PCDHGA10: variants seen among roughly 807,000 people sequenced by gnomAD.
The protein encoded by PCDHGA10 is protocadherin gamma subfamily A, 10, also known as protocadherin gamma-A10.
In PCDHGA10, 42 loss-of-function variants were observed where a neutral mutation model predicts 59.5. That is an observed-to-expected ratio of 0.71 (90% confidence interval 0.55 to 0.91). The LOEUF is 0.91. PCDHGA10 is among the 40% of genes least tolerant of loss of function. PCDHGA10 has a pLI of 0.00. For missense variants in PCDHGA10, 1,111 were observed against 1,198.2 expected, an observed-to-expected ratio of 0.93 and a Z score of 1.07; for synonymous variants, 511 against 517.2, an observed-to-expected ratio of 0.99 and a Z score of 0.16.
At chr5:141,438,589 TAC>T (rs72335471) in intron 1 of PCDHGA10, among the ~76,000 whole-genome samples, 19,881 of 66,350 alleles carry the variant, frequency 0.3, 2,903 homozygotes, top group Admixed American at 0.41. Context: ...CATACATACA[TAC>T]ATATATATAT....
chr5:141,481,200 T>A (rs977235584), intron 1 of PCDHGA10, among the ~76,000 whole-genome samples: 2 of 152,178 alleles, frequency 1.3e-5, no homozygotes, highest in Non-Finnish European at 2.9e-5. Flanking sequence ...CCAATTTTTT[T>A]AAAAAACATG....
rs1310227506 is a variant in PCDHGA10, at chr5:141,432,214, CCAGATCACTTATTCCCTGG to C, written c.2436+16605_2436+16623del. ...ACGACCCCGACTGTGAAGAGAACGC[CCAGATCACTTATTCCCTGG>C]CTGAGAACACCATCCAAGGGGCAAG... is the stretch of plus-strand genomic sequence containing the variant. On this transcript the variant is annotated intron_variant, in intron 1 of 3. Transcript: ENST00000398610. This position sits in a 1 kb window ranked among gnomAD's most constrained non-coding sequence, Gnocchi z 6.0. 3.1e-6 allele frequency: 5 copies of C among 1,614,236 alleles called. No homozygotes were observed. The highest frequency in any genetic ancestry group is 4.2e-6 in the Non-Finnish European group (5 of 1,180,050).
At chr5:141,422,168 G>T in intron 1 of PCDHGA10, 2 of 1,563,582 alleles carry the variant, frequency 1.3e-6, no homozygotes, top group Non-Finnish European at 1.7e-6. Context: ...GAAAAATATA[G>T]ATTCTATGAG....
At chr5:141,416,929 C>T (rs1184470714) in intron 1 of PCDHGA10, 1 of 151,960 alleles carries the variant, frequency 6.6e-6, no homozygotes. Flanking sequence ...TAGTTATTAA[C>T]TATTAAACCA....
chr5:141,472,980 C>CAAAAAAAAAAAAAAAAAGAAAAAAAA (rs2099309731), intron 1 of PCDHGA10, among the ~76,000 whole-genome samples: 1 of 86,100 alleles, frequency 1.2e-5, no homozygotes, highest in African/African-American at 3.9e-5. Flanking sequence ...GAGTGAAACT[C>CAAAAAAAAAAAAAAAAAGAAAAAAAA]AAAAAAAAAA....
intron 1 of PCDHGA10, chr5:141,427,931 G>C: frequency 6.3e-7 from 1 of 1,583,764 alleles, no homozygotes; most frequent in Non-Finnish European, 8.6e-7. Flanking sequence ...GGCGCATGTT[G>C]GTGGGCGACC....
rs143362044 is a variant in PCDHGA10, at chr5:141,511,092, C to T, written c.2730C>T (p.Asn910=). The T allele has an allele frequency of 4.5e-5, 73 of 1,614,088 alleles. No homozygotes were observed. Among genetic ancestry groups the T allele is most frequent in the Admixed American group, 1.5e-4 (9 of 60,012 alleles). ...YIPGSNATLT[N]AAGKRDGKAP... is the part of the protein sequence containing the mutation. ...CAGGCAGCAATGCCACACTGACCAA[C>T]GCAGCTGGCAAGCGGGATGGCAAGG... The change falls in exon 4 of 4, where the codon AAC becomes AAT. Residue 910 remains asparagine, a synonymous_variant. Coordinates refer to ENST00000398610, the MANE Select transcript of PCDHGA10 (RefSeq NM_018913.3).
Position 141,511,334 on chromosome 5 carries a change from C to A in PCDHGA10, c.*161C>A. 7.0e-7 allele frequency: 1 copy of A among 1,438,700 alleles called. No homozygotes were observed. Among genetic ancestry groups the A allele is most frequent in the Non-Finnish European group, 9.2e-7 (1 of 1,083,314 alleles). 89.1% of individuals were successfully genotyped at this position (1,438,700 alleles called of 1,614,324 possible). On this transcript the variant is annotated 3_prime_UTR_variant, in exon 4 of 4. Coordinates refer to ENST00000398610, the MANE Select transcript of PCDHGA10 (RefSeq NM_018913.3). ...GAAACAGAAACAAGTGCCCAGTCAG[C>A]ACCTACCCCTTCCCCCCCAGGGGGT...
Position 141,487,171 on chromosome 5 carries a change from G to C in PCDHGA10, c.2437-7636G>C. ...CTGTTACTCTCTTAGTGTCCTTAGA[G>C]GAAGACACTCATCCAGTTGTCCCAG... On this transcript the variant is annotated intron_variant, in intron 1 of 3. Transcript: ENST00000398610. The surrounding 1 kb of genome is among the most constrained non-coding windows in gnomAD (Gnocchi z 5.0). 1 of 1,612,938 alleles carries C rather than the reference G, an allele frequency of 6.2e-7. No individual in the cohort carries two copies. Among genetic ancestry groups the C allele is most frequent in the Non-Finnish European group, 8.5e-7 (1 of 1,178,910 alleles).
At chr5:141,484,863 G>T (rs561595169) in intron 1 of PCDHGA10, 136 of 273,782 alleles carry the variant, frequency 5.0e-4, no homozygotes, top group African/African-American at 2.8e-3. Context: ...GGGGGTGGGG[G>T]AGCGTGGAGG....
chr5:141,487,919 A>G lies in PCDHGA10; in HGVS notation c.2437-6888A>G, dbSNP rs548678238. ...ATGGAATGTGGGAGCACAGGAGGCTACAGTGCACAGGGTACAGTGCACCAG... is the reference window on the plus strand; with the variant it reads ...ATGGAATGTGGGAGCACAGGAGGCTGCAGTGCACAGGGTACAGTGCACCAG... On this transcript the variant is annotated intron_variant, in intron 1 of 3. Transcript: ENST00000398610. The surrounding 1 kb of genome is among the most constrained non-coding windows in gnomAD (Gnocchi z 5.0). 23 of 644,878 alleles carry G rather than the reference A, an allele frequency of 3.6e-5. No individual in the cohort carries two copies. Among genetic ancestry groups the G allele is most frequent in the Non-Finnish European group, 5.6e-5 (21 of 374,374 alleles). 39.9% of individuals were successfully genotyped at this position (644,878 alleles called of 1,614,324 possible). A position where few individuals can be genotyped will look rare whatever the true frequency, so the allele number is the denominator to read the frequency against.
chr5:141,413,572 A>C lies in PCDHGA10; in HGVS notation c.397A>C (p.Asn133His). The change falls in exon 1 of 4, where the codon AAT becomes CAT. Residue 133 changes from asparagine to histidine, a missense_variant. Physicochemically the swap from Asn to His is moderately conservative, Grantham distance 68. Transcript: ENST00000398610. The stretch of plus-strand genomic sequence containing the variant: ...AATAGAAGTAACTGATATCAATGAC[A>C]ATGCTCCAAAATTCCAAGCAGAAAA... Reference protein sequence around the residue: ...IEIEVTDINDNAPKFQAENLD... With the variant: ...IEIEVTDINDHAPKFQAENLD... The C allele has an allele frequency of 1.2e-6, 2 of 1,613,890 alleles. No homozygotes were observed. The highest frequency in any genetic ancestry group is 1.7e-6 in the Non-Finnish European group (2 of 1,179,892).
chr5:141,442,343 G>A (rs1300318674), intron 1 of PCDHGA10: 1 of 152,336 alleles, frequency 6.6e-6, no homozygotes, highest in African/African-American at 2.4e-5. Context: ...CAGGTTTCTG[G>A]GTAACTGTAG....
chr5:141,479,328 G>A (rs568506786), intron 1 of PCDHGA10: 1 of 152,654 alleles, frequency 6.6e-6, no homozygotes, highest in East Asian at 1.9e-4. Flanking sequence ...CAGACTCAGT[G>A]GTGTGCACCT....
rs781580216 is a variant in PCDHGA10 at position 141,430,931 on chromosome 5, G to A, written c.2436+15320G>A. The stretch of plus-strand genomic sequence containing the variant: ...CAGGGACCTGGGGCTGGAGCCCCGG[G>A]AGCTCGCGGAGCGCGGAGTCCGCAT... On this transcript the variant is annotated intron_variant, in intron 1 of 3. Coordinates refer to ENST00000398610, the MANE Select transcript of PCDHGA10 (RefSeq NM_018913.3). The A allele has an allele frequency of 1.5e-5, 24 of 1,607,530 alleles. No individual in the cohort carries two copies. In the East Asian group the frequency reaches 4.9e-4, roughly 33 times the overall value.
chr5:141,465,777 C>G (rs2099109055), intron 1 of PCDHGA10, among the ~76,000 whole-genome samples: 2 of 151,768 alleles, frequency 1.3e-5, no homozygotes, highest in African/African-American at 2.4e-5. Flanking sequence ...TCTCTTGTTA[C>G]AGTTTTTTTT....
rs183531575 is a variant in PCDHGA10 at position 141,469,308 on chromosome 5, G to A, written c.2437-25499G>A. Among the ~76,000 whole-genome samples the A allele has an allele frequency of 2.5e-3, 379 of 152,184 alleles. 1 individual carries two copies. The highest frequency in any genetic ancestry group is 5.8e-3 in the South Asian group (28 of 4,814). On this transcript the variant is annotated intron_variant, in intron 1 of 3. Transcript: ENST00000398610. ...TAAAACAAAATAGACTGGGCACGAT[G>A]GCTCACGCCTGTAATCCCACCACTT...
chr5:141,415,045 G>T lies in PCDHGA10; in HGVS notation c.1870G>T (p.Gly624Trp). 1 of 1,613,538 alleles carries T rather than the reference G, an allele frequency of 6.2e-7. No homozygotes were observed. Among genetic ancestry groups the T allele is most frequent in the East Asian group, 2.2e-5 (1 of 44,872 alleles). ...KASEPGLFAV[G>W]EHTGEVRTAR... is the part of the protein sequence containing the mutation. ...CAGCGAGCCGGGACTCTTCGCGGTG[G>T]GGGAGCACACGGGCGAGGTGCGCAC... The change falls in exon 1 of 4, where the codon GGG (glycine) becomes TGG (tryptophan). Residue 624 changes from glycine to tryptophan, a missense_variant. By Grantham distance (184) the Gly-to-Trp change is radical. Transcript: ENST00000398610.
At chr5:141,417,955 G>C in intron 1 of PCDHGA10, 2 of 1,613,634 alleles carry the variant, frequency 1.2e-6, no homozygotes, top group Middle Eastern at 1.7e-4. Flanking sequence ...TGTGTGAGCC[G>C]ATCCGCTACT....
Sources: allele counts gnomAD v4.1 joint callset (sites outside exome capture counted in the v4.1 genomes callset), GRCh38; gene constraint gnomAD v4.1.1; non-coding constraint Gnocchi (gnomAD v3.1); transcripts MANE v1.5; gene names NCBI Gene and HGNC (gene_info 2026-07-23, HGNC 2026-07-21).